Variants in DPYD observed in about 807,000 individuals in gnomAD.
DPYD encodes the protein dihydropyrimidine dehydrogenase [NADP(+)].
In DPYD, 109 loss-of-function variants were observed where a neutral mutation model predicts 116.2. The ratio of observed to expected loss-of-function variants is 0.94; its 90% confidence interval spans 0.80 to 1.10. The LOEUF (loss-of-function observed/expected upper bound fraction) is 1.10. Among genes scored for constraint, DPYD ranks in the 50% least tolerant of loss-of-function variants. DPYD has a pLI of 0.00. For synonymous variants in DPYD, 440 were observed against 432.0 expected, an observed-to-expected ratio of 1.02 and a Z score of -0.23; for missense variants, 1,302 against 1,254.5, an observed-to-expected ratio of 1.04 and a Z score of -0.57.
intron 12 of DPYD, among the ~76,000 whole-genome samples, chr1:97,529,920 T>G (rs12043146): frequency 6.6e-6 from 1 of 151,088 alleles, no homozygotes; most frequent in Non-Finnish European, 1.5e-5. Context: ...TTTCTTTTCT[T>G]TCTCTTTCTT....
At chr1:97,756,823 T>A (rs1187052833) in intron 3 of DPYD, among the ~76,000 whole-genome samples, 3 of 152,184 alleles carry the variant, frequency 2.0e-5, no homozygotes, top group African/African-American at 7.2e-5. Flanking sequence ...TTCAGTTAAA[T>A]ATGCTATATT....
At chr1:97,153,190 T>C (rs754249802) in intron 20 of DPYD, among the ~76,000 whole-genome samples, 4 of 152,150 alleles carry the variant, frequency 2.6e-5, no homozygotes, top group Non-Finnish European at 5.9e-5. Flanking sequence ...ATTACTACTA[T>C]ACTGAAACTA....
chr1:97,339,033 A>G (rs1669452570), intron 16 of DPYD, among the ~76,000 whole-genome samples: 1 of 152,158 alleles, frequency 6.6e-6, no homozygotes, highest in Non-Finnish European at 1.5e-5. Flanking sequence ...AACTAACAAT[A>G]ATGATTTTCA....
rs150506874 is a variant in DPYD at position 97,395,158 on chromosome 1, G to T, written c.1906-12697C>A. Among the ~76,000 whole-genome samples the T allele has an allele frequency of 4.8e-4, 72 of 150,058 alleles. No individual in the cohort carries two copies. The East Asian group carries it at 0.011, about 23-fold the overall frequency. The stretch of plus-strand genomic sequence containing the variant: ...CATTTTTCTGCTATGACATGTATTT[G>T]TTTATATATTTTATATATTTTTAAA... On this transcript the variant is annotated intron_variant, in intron 14 of 22. Coordinates refer to ENST00000370192, the MANE Select transcript of DPYD (RefSeq NM_000110.4).
chr1:97,209,392 G>T (rs1346572935), intron 19 of DPYD, among the ~76,000 whole-genome samples: 1 of 151,914 alleles, frequency 6.6e-6, no homozygotes, highest in African/African-American at 2.4e-5. Flanking sequence ...AATAGAATTG[G>T]CTTTTTTTAA....
At chr1:97,880,830 G>A (rs1672178960) in intron 2 of DPYD, among the ~76,000 whole-genome samples, 1 of 151,824 alleles carries the variant, frequency 6.6e-6, no homozygotes, top group Non-Finnish European at 1.5e-5. Flanking sequence ...TCCATGTAAT[G>A]CAGATAGAAT....
At chr1:97,125,241 G>C (rs1184907543) in intron 20 of DPYD, among the ~76,000 whole-genome samples, 1 of 152,014 alleles carries the variant, frequency 6.6e-6, no homozygotes, top group Non-Finnish European at 1.5e-5. Flanking sequence ...CTTGTGAATG[G>C]AGACTCAACA....
chr1:97,386,347 C>T (rs1246074200), intron 14 of DPYD, among the ~76,000 whole-genome samples: 1 of 151,590 alleles, frequency 6.6e-6, no homozygotes, highest in Non-Finnish European at 1.5e-5. Flanking sequence ...CTGTTGATCA[C>T]TGATTCCTCA....
chr1:97,232,570 G>A (rs1434126217), intron 19 of DPYD, among the ~76,000 whole-genome samples: 1 of 151,904 alleles, frequency 6.6e-6, no homozygotes, highest in African/African-American at 2.4e-5. Context: ...CCTGAGGGCT[G>A]TTTTCATTCT....
chr1:97,464,672 G>A (rs998840195), intron 13 of DPYD, among the ~76,000 whole-genome samples: 3 of 152,166 alleles, frequency 2.0e-5, no homozygotes, highest in Admixed American at 6.5e-5. Context: ...TGAGCCTGCA[G>A]GTGCACAGAA....
intron 2 of DPYD, among the ~76,000 whole-genome samples, chr1:97,833,877 A>T (rs1669642661): frequency 6.6e-6 from 1 of 152,160 alleles, no homozygotes; most frequent in Non-Finnish European, 1.5e-5. Flanking sequence ...CTTTTTGGTC[A>T]TAAGACTCCT....
chr1:97,442,709 C>G (rs923227982), intron 14 of DPYD, among the ~76,000 whole-genome samples: 1 of 151,950 alleles, frequency 6.6e-6, no homozygotes, highest in African/African-American at 2.4e-5. Context: ...GAAGGAATCA[C>G]TGAAAAACAT....
At chr1:97,350,117 T>C (rs1223881102) in intron 16 of DPYD, among the ~76,000 whole-genome samples, 19 of 152,018 alleles carry the variant, frequency 1.2e-4, no homozygotes, top group Admixed American at 4.6e-4. Flanking sequence ...GGGAAACAGA[T>C]AGAGGTAGGA....
chr1:97,322,778 A>G (rs530405664), intron 16 of DPYD: 59 of 152,110 alleles, frequency 3.9e-4, no homozygotes, highest in African/African-American at 1.3e-3. Context: ...ATGGAAAAAT[A>G]AAAAAGTAAG....
At chr1:97,205,178 T>C (rs2101854916) in intron 19 of DPYD, among the ~76,000 whole-genome samples, 1 of 152,186 alleles carries the variant, frequency 6.6e-6, no homozygotes, top group Admixed American at 6.5e-5. Flanking sequence ...AAATTCATAG[T>C]TTATATTAAG....
At chr1:97,913,094 T>C (rs1674044014) in intron 1 of DPYD, among the ~76,000 whole-genome samples, 1 of 152,148 alleles carries the variant, frequency 6.6e-6, no homozygotes, top group Non-Finnish European at 1.5e-5. Context: ...AATGTAAATT[T>C]GTTAATTCCA....
intron 8 of DPYD, among the ~76,000 whole-genome samples, chr1:97,653,470 C>T (rs150164352): frequency 1.0e-3 from 157 of 151,790 alleles, no homozygotes; most frequent in African/African-American, 3.8e-3. Context: ...ACGTCCAGCT[C>T]ATTTTTGTAT....
At chr1:97,288,694 G>C (rs914235982) in intron 18 of DPYD, among the ~76,000 whole-genome samples, 2 of 142,692 alleles carry the variant, frequency 1.4e-5, no homozygotes, top group East Asian at 2.1e-4. Flanking sequence ...GCAGTGTGTA[G>C]AGGGAAATTT....
intron 18 of DPYD, among the ~76,000 whole-genome samples, chr1:97,254,285 T>C (rs1274106267): frequency 6.6e-6 from 1 of 152,190 alleles, no homozygotes; most frequent in Non-Finnish European, 1.5e-5. Flanking sequence ...TTTATATATA[T>C]ACTTATTTGT....
Sources: gnomAD v4.1 joint callset for allele counts (sites outside exome capture counted in the v4.1 genomes callset) on GRCh38, gnomAD v4.1.1 for gene constraint, MANE v1.5 for transcripts, NCBI Gene and HGNC (gene_info 2026-07-23, HGNC 2026-07-21) for gene names.